The following PRUNE2 variants were observed in gnomAD, a reference collection of about 807,000 sequenced individuals.
The protein encoded by PRUNE2 is prune homolog 2 with BCH domain.
In PRUNE2, 164 loss-of-function variants were observed where a neutral mutation model predicts 252.0. The observed-to-expected ratio is 0.65, with a 90% CI of 0.57 to 0.74. The LOEUF is 0.74. PRUNE2 is among the 30% of genes least tolerant of loss of function. The pLI is 0.00. For synonymous variants in PRUNE2, 1,292 were observed against 1,350.2 expected (o/e 0.96, Z 0.94); for missense variants, 3,495 against 3,711.0 (o/e 0.94, Z 1.51).
intron 17 of PRUNE2, among the ~76,000 whole-genome samples, chr9:76,622,656 G>A (rs1791606656): frequency 6.6e-6 from 1 of 152,186 alleles, no homozygotes; most frequent in Non-Finnish European, 1.5e-5. Context: ...AAAGCAATTT[G>A]AGTGCAGGTA....
At chr9:76,699,098 G>A (rs1460679284) in intron 9 of PRUNE2, among the ~76,000 whole-genome samples, 1 of 135,282 alleles carries the variant, frequency 7.4e-6, no homozygotes, top group East Asian at 2.2e-4. Context: ...TTCATCAGTT[G>A]AATATCATCC....
At chr9:76,810,636 G>A (rs1034312032) in intron 6 of PRUNE2, among the ~76,000 whole-genome samples, 1 of 152,180 alleles carries the variant, frequency 6.6e-6, no homozygotes, top group African/African-American at 2.4e-5. Flanking sequence ...CAGTAAAAGA[G>A]ATGTCTATCC....
intron 6 of PRUNE2, among the ~76,000 whole-genome samples, chr9:76,732,544 A>T (rs919663786): frequency 6.6e-6 from 1 of 152,214 alleles, no homozygotes; most frequent in Non-Finnish European, 1.5e-5. Flanking sequence ...TATTTCTTAT[A>T]CAGGGGCAAA....
intron 4 of PRUNE2, among the ~76,000 whole-genome samples, chr9:76,828,577 T>G (rs1317566994): frequency 6.6e-6 from 1 of 152,142 alleles, no homozygotes; most frequent in Non-Finnish European, 1.5e-5. Context: ...GAGGCTGTTT[T>G]GGATAAGAAA....
In PRUNE2 at chr9:76,706,532, C is replaced by T; in HGVS notation, c.5742G>A (p.Gln1914=). 1 of 1,613,980 alleles carries T rather than the reference C, an allele frequency of 6.2e-7. No individual in the cohort carries two copies. The highest frequency in any genetic ancestry group is 8.5e-7 in the Non-Finnish European group (1 of 1,179,892). The part of the protein sequence containing the change: ...HEQLWNIQPR[Q]PDPDADKFSQ... ...TGAACTTGTCAGCATCTGGGTCTGGCTGCCTTGGTTGAATGTTCCAGAGTT... is the reference window on the plus strand; with the variant it reads ...TGAACTTGTCAGCATCTGGGTCTGGTTGCCTTGGTTGAATGTTCCAGAGTT... The change falls in exon 8 of 19, where the codon CAG becomes CAA. Residue 1914 remains glutamine (Q), a synonymous_variant. Transcript: ENST00000376718.
intron 6 of PRUNE2, chr9:76,779,029 A>G (rs2054093298): frequency 6.6e-6 from 1 of 152,144 alleles, no homozygotes; most frequent in South Asian, 2.1e-4. Flanking sequence ...AAGTTTTAAC[A>G]TTTCTCCAGT....
At chr9:76,677,900 G>A (rs912800329) in intron 9 of PRUNE2, among the ~76,000 whole-genome samples, 16 of 152,238 alleles carry the variant, frequency 1.1e-4, no homozygotes, top group East Asian at 5.8e-4. Flanking sequence ...CACACCCCAC[G>A]AGGATTTGCA....
rs781504068 is a variant in PRUNE2, at chr9:76,709,187, G to T, written c.3087C>A (p.Asn1029Lys). The T allele has an allele frequency of 1.9e-6, 3 of 1,613,694 alleles. No homozygotes were observed. The highest frequency in any genetic ancestry group is 1.7e-5 in the Admixed American group (1 of 59,992). Residue 1029 changes from asparagine (N) to lysine (K), a missense_variant, in exon 8 of 19, where the codon AAC becomes AAA. Physicochemically the swap from Asn to Lys is moderately conservative, Grantham distance 94. Coordinates refer to ENST00000376718, the MANE Select transcript of PRUNE2 (RefSeq NM_015225.3). ...TATGAGGTGAAGCCCACATGTCTAG[G>T]TTCCCAGGACCTGAACTGATTCGAT... is the stretch of plus-strand genomic sequence containing the variant. ...SRNRISSGPG[N>K]LDMWASPHTD...
chr9:76,670,144 T>C (rs1163467095), intron 9 of PRUNE2, among the ~76,000 whole-genome samples: 1 of 152,102 alleles, frequency 6.6e-6, no homozygotes, highest in Non-Finnish European at 1.5e-5. Flanking sequence ...AGGTACTGGG[T>C]TCATCTCACT....
intron 9 of PRUNE2, among the ~76,000 whole-genome samples, chr9:76,699,010 G>A (rs1410201254): frequency 2.7e-5 from 4 of 149,854 alleles, no homozygotes; most frequent in South Asian, 2.1e-4. Flanking sequence ...ATGACACAAC[G>A]ATTTCCTCTC....
chr9:76,671,372 G>A (rs2041438759), intron 9 of PRUNE2, among the ~76,000 whole-genome samples: 1 of 149,616 alleles, frequency 6.7e-6, no homozygotes, highest in South Asian at 2.2e-4. Context: ...AAAAAGAAAT[G>A]AGCAAAGCCT....
intron 1 of PRUNE2, among the ~76,000 whole-genome samples, chr9:76,866,613 G>T (rs576346945): frequency 6.6e-6 from 1 of 152,282 alleles, no homozygotes; most frequent in Admixed American, 6.5e-5. Context: ...TTGAAGCTGG[G>T]AGATGGGCAC....
intron 18 of PRUNE2, 91 bp downstream of exon 18, chr9:76,619,249 G>A (rs1375347110): frequency 8.3e-6 from 7 of 842,100 alleles, no homozygotes; most frequent in East Asian, 2.7e-5. Context: ...TCTAAACAGG[G>A]TTTACCCAGT....
At chr9:76,648,376 T>C (rs948432111) in intron 11 of PRUNE2, among the ~76,000 whole-genome samples, 1 of 152,238 alleles carries the variant, frequency 6.6e-6, no homozygotes, top group African/African-American at 2.4e-5. Flanking sequence ...TGTATGTTTA[T>C]AGCAGCTTCA....
In PRUNE2 at chr9:76,641,780, C is replaced by T. The variant is rs73650265; in HGVS notation, c.8728+2959G>A. On this transcript the variant is annotated intron_variant, in intron 12 of 18. Transcript: ENST00000376718. ...CCTGAGACCCTCTGAAGCAAGGACG[C>T]AAACCTTACCTGAGTGACACAGACA... 2.9e-3 allele frequency among the ~76,000 whole-genome samples: 446 copies of T among 152,002 alleles called. 4 individuals carry two copies. The highest frequency in any genetic ancestry group is 0.01 in the African/African-American group (423 of 41,446).
intron 6 of PRUNE2, among the ~76,000 whole-genome samples, chr9:76,758,116 C>T (rs1383669091): frequency 6.6e-6 from 1 of 152,138 alleles, no homozygotes; most frequent in East Asian, 1.9e-4. Flanking sequence ...TTATTCAAAA[C>T]TTATAAAACT....
At chr9:76,614,736 A>C in intron 18 of PRUNE2, 136 bp from the exon 19 acceptor site, 2 of 673,854 alleles carry the variant, frequency 3.0e-6, no homozygotes, top group East Asian at 2.8e-5. Flanking sequence ...AGTTTCTTAT[A>C]ATAGAAAAAT....
intron 6 of PRUNE2, among the ~76,000 whole-genome samples, chr9:76,745,309 A>T (rs1002623762): frequency 1.3e-5 from 2 of 152,206 alleles, no homozygotes; most frequent in African/African-American, 4.8e-5. Flanking sequence ...CTAGGATGAG[A>T]GGAATTTGAA....
At chr9:76,737,817 A>G (rs751501016) in intron 6 of PRUNE2, 1 of 152,264 alleles carries the variant, frequency 6.6e-6, no homozygotes, top group Admixed American at 6.5e-5. Context: ...CAGTGATTCA[A>G]TTCAACAATA....
Sources: gnomAD v4.1 joint callset for allele counts (sites outside exome capture counted in the v4.1 genomes callset) on GRCh38, gnomAD v4.1.1 for gene constraint, MANE v1.5 for transcripts, NCBI Gene and HGNC (gene_info 2026-07-23, HGNC 2026-07-21) for gene names.